Variants in SATL1 observed in about 807,000 individuals in gnomAD.
SATL1 encodes the protein spermidine/spermine N(1)-acetyltransferase-like protein 1.
A neutral mutation model predicts 51.8 loss-of-function variants in SATL1; 47 were observed. The observed-to-expected ratio is 0.91, with a 90% CI of 0.72 to 1.16. SATL1 has a LOEUF of 1.16. Ranked by LOEUF, SATL1 falls within the 50% of genes most tolerant of loss-of-function variation. The probability of loss-of-function intolerance (pLI) is 0.00; values close to 1 mark genes in which losing one functional copy is unlikely to be tolerated. For missense variants in SATL1, 520 were observed against 526.4 expected, an observed-to-expected ratio of 0.99 and a Z score of 0.12; for synonymous variants, 176 against 182.4, an observed-to-expected ratio of 0.97 and a Z score of 0.28.
chrX:85,191,885 C>T (rs1362084470), intron 2 of SATL1, among the ~76,000 whole-genome samples: 1 of 111,396 alleles, frequency 9.0e-6, no homozygotes, highest in East Asian at 2.8e-4. Context: ...CTGCATTGTT[C>T]AAGGTTCAAC....
chrX:85,163,289 C>A (rs1327436930), intron 2 of SATL1, among the ~76,000 whole-genome samples: 1 of 110,442 alleles, frequency 9.1e-6, no homozygotes, highest in Non-Finnish European at 1.9e-5. Flanking sequence ...CTGGTTTAAT[C>A]TTTTCTTCTG....
intron 2 of SATL1, among the ~76,000 whole-genome samples, chrX:85,127,093 C>T (rs1925647673): frequency 9.0e-6 from 1 of 111,176 alleles, no homozygotes; most frequent in South Asian, 3.8e-4. Context: ...CACTAACTTG[C>T]TGATTCAGAG....
Position 85,108,098 on chromosome X carries a change from T to C in SATL1, c.871A>G (p.Met291Val), listed in dbSNP as rs1925127305. ...ASLYEMNQVD[M>V]KQPSMSQAGM... ...GCTTGGCTCATGCTTGGTTGTTTCA[T>C]GTCCACTTGGTTCATTTCATATAGG... The change falls in exon 3 of 8, where the codon ATG becomes GTG. Residue 291 changes from methionine to valine, a missense_variant. Physicochemically the swap from Met to Val is conservative, Grantham distance 21 (BLOSUM62 1). This residue lies in a region of SATL1 where 488 missense variants were observed against 474.3 expected (regional missense o/e 1.03). Coordinates refer to ENST00000644105, the MANE Select transcript of SATL1 (RefSeq NM_001367857.2). 4 of 1,210,154 alleles carry C rather than the reference T, an allele frequency of 3.3e-6. No individual in the cohort carries two copies. Among genetic ancestry groups the C allele is most frequent in the South Asian group, 3.5e-5 (2 of 56,843 alleles).
At chrX:85,190,579 C>G (rs1277188927) in intron 2 of SATL1, among the ~76,000 whole-genome samples, 1 of 111,404 alleles carries the variant, frequency 9.0e-6, no homozygotes, top group African/African-American at 3.3e-5. Context: ...AACAACTATT[C>G]TTCTACTTAA....
At chrX:85,100,582 C>T (rs1412677479) in intron 4 of SATL1, among the ~76,000 whole-genome samples, 11 of 111,730 alleles carry the variant, frequency 9.8e-5, no homozygotes, top group Admixed American at 8.5e-4. Flanking sequence ...ACAACAACAA[C>T]CCTGTGTATG....
At chrX:85,230,296 G>A (rs771349386) in intron 1 of SATL1, among the ~76,000 whole-genome samples, 1 of 111,594 alleles carries the variant, frequency 9.0e-6, no homozygotes, top group Non-Finnish European at 1.9e-5. Flanking sequence ...TCTTCAATAA[G>A]GATGCCAAGA....
chrX:85,221,474 CA>C (rs1222332743), intron 2 of SATL1, among the ~76,000 whole-genome samples: 1 of 111,818 alleles, frequency 8.9e-6, no homozygotes, highest in East Asian at 2.8e-4. Flanking sequence ...CAGCCTGATT[CA>C]AAACTCTGTA....
intron 2 of SATL1, among the ~76,000 whole-genome samples, chrX:85,176,109 A>C (rs1362313517): frequency 8.9e-6 from 1 of 111,955 alleles, no homozygotes; most frequent in Admixed American, 9.6e-5. Flanking sequence ...AAAATGGGCA[A>C]ATTAGATGAA....
intron 2 of SATL1, among the ~76,000 whole-genome samples, chrX:85,129,789 T>G (rs1330874346): frequency 2.7e-5 from 3 of 111,722 alleles, no homozygotes; most frequent in Non-Finnish European, 5.6e-5. Context: ...GCGTTTGGCA[T>G]AAATAGCTCT....
intron 2 of SATL1, among the ~76,000 whole-genome samples, chrX:85,200,784 T>C: frequency 9.0e-6 from 1 of 111,234 alleles, no homozygotes; most frequent in African/African-American, 3.2e-5. Flanking sequence ...TTTATTTACA[T>C]TAAAAGTTTT....
chrX:85,219,396 G>A (rs930375835), intron 2 of SATL1: 2 of 111,511 alleles, frequency 1.8e-5, no homozygotes, highest in Admixed American at 9.5e-5. Flanking sequence ...TATGACTCCT[G>A]AACAAAACTG....
At chrX:85,113,514 G>A (rs1179030618) in intron 2 of SATL1, among the ~76,000 whole-genome samples, 1 of 111,062 alleles carries the variant, frequency 9.0e-6, no homozygotes, top group African/African-American at 3.3e-5. Context: ...GAAAAAGCAG[G>A]GTTAGTCTAC....
chrX:85,093,996 G>A, intron 6 of SATL1, 132 bp downstream of exon 6: 1 of 404,787 alleles, frequency 2.5e-6, no homozygotes. Context: ...TTAGGATAGT[G>A]ATCAAACTCA....
intron 2 of SATL1, among the ~76,000 whole-genome samples, chrX:85,166,453 C>A (rs776881269): frequency 9.0e-6 from 1 of 111,043 alleles, no homozygotes; most frequent in South Asian, 3.8e-4. Flanking sequence ...AATTCCATCA[C>A]AACTGAGCTA....
chrX:85,173,468 C>T lies in SATL1; in HGVS notation c.-313+50737G>A, dbSNP rs775756061. On this transcript the variant is annotated intron_variant, in intron 2 of 7. Transcript: ENST00000644105. ...TGGGTGAGACTACAGGTCTTTTTTTCCCCATTATTGAAATTTTTCCATGGT... is the reference window on the plus strand; with the variant it reads ...TGGGTGAGACTACAGGTCTTTTTTTTCCCATTATTGAAATTTTTCCATGGT... Among the ~76,000 whole-genome samples, 105 of 109,947 alleles carry T rather than the reference C, an allele frequency of 9.6e-4. No homozygotes were observed. The South Asian group carries it at 0.039, about 41-fold the overall frequency.
At chrX:85,181,029 A>G (rs1472600024) in intron 2 of SATL1, among the ~76,000 whole-genome samples, 1 of 109,770 alleles carries the variant, frequency 9.1e-6, no homozygotes, top group Non-Finnish European at 1.9e-5. Flanking sequence ...TCGTTTAACA[A>G]GAGAAAAATG....
chrX:85,211,566 T>C (rs907437934), intron 2 of SATL1: 6 of 111,743 alleles, frequency 5.4e-5, no homozygotes, highest in Non-Finnish European at 1.1e-4. Context: ...TTGTCTTCTG[T>C]GTTTCCTCTA....
At chrX:85,174,806 ATTGT>A (rs1453623125) in intron 2 of SATL1, among the ~76,000 whole-genome samples, 15 of 112,008 alleles carry the variant, frequency 1.3e-4, no homozygotes, top group Non-Finnish European at 2.8e-4. Context: ...AGATGAACTG[ATTGT>A]AAATTTCATA....
chrX:85,190,983 G>C (rs1483561293), intron 2 of SATL1, among the ~76,000 whole-genome samples: 1 of 93,762 alleles, frequency 1.1e-5, no homozygotes, highest in African/African-American at 3.9e-5. Context: ...GTAGGGGGAG[G>C]GGGGAGGGAT....
Sources: gnomAD v4.1 joint callset for allele counts (sites outside exome capture counted in the v4.1 genomes callset) on GRCh38, gnomAD v4.1.1 for gene constraint, gnomAD v4.1.1 regional missense constraint, MANE v1.5 for transcripts, NCBI Gene and HGNC (gene_info 2026-07-23, HGNC 2026-07-21) for gene names.